The following FRMPD4 variants were observed in gnomAD, a reference collection of about 807,000 sequenced individuals.
FRMPD4 encodes FERM and PDZ domain-containing protein 4.
A neutral mutation model predicts 94.1 loss-of-function variants in FRMPD4; 22 were observed. That is an observed-to-expected ratio of 0.23 (90% CI 0.17 to 0.33). The LOEUF (loss-of-function observed/expected upper bound fraction) is 0.33. FRMPD4 is among the 10% of genes least tolerant of loss of function. The probability of loss-of-function intolerance (pLI) is 1.00; values close to 1 mark genes in which losing one functional copy is unlikely to be tolerated. For missense variants in FRMPD4, 1,111 were observed against 1,339.9 expected, an observed-to-expected ratio of 0.83 and a Z score of 2.67; for synonymous variants, 631 against 548.6, an observed-to-expected ratio of 1.15 and a Z score of -2.10.
rs183412738 is a variant in FRMPD4 at position 12,648,225 on chromosome X, C to G, written c.423-26638C>G. Reference sequence around the variant, plus strand: ...GTCTTTCCCAACTCTTTCCAGTCTTCCTTCGTAGACTTCTCTCACCCAAAA... The same window carrying G: ...GTCTTTCCCAACTCTTTCCAGTCTTGCTTCGTAGACTTCTCTCACCCAAAA... On this transcript the variant is annotated intron_variant, in intron 4 of 16. Transcript: ENST00000675598. 1.3e-4 allele frequency among the ~76,000 whole-genome samples: 15 copies of G among 111,650 alleles called. No homozygotes were observed. In the East Asian group the frequency reaches 3.1e-3, roughly 23 times the overall value.
chrX:12,027,452 A>G (rs756986891), intron 3 of FRMPD4, among the ~76,000 whole-genome samples: 26 of 112,248 alleles, frequency 2.3e-4, no homozygotes, highest in Non-Finnish European at 4.1e-4. Flanking sequence ...TGTGTGAGGA[A>G]AACTAAAATC....
At chrX:11,914,890 C>T (rs1205993326) in intron 3 of FRMPD4, among the ~76,000 whole-genome samples, 1 of 112,226 alleles carries the variant, frequency 8.9e-6, no homozygotes, top group Non-Finnish European at 1.9e-5. Flanking sequence ...GCCTTTGTCA[C>T]TTAGACATTT....
chrX:12,218,300 G>C (rs1437612486), intron 1 of FRMPD4, among the ~76,000 whole-genome samples: 2 of 111,965 alleles, frequency 1.8e-5, no homozygotes, highest in Non-Finnish European at 3.8e-5. Context: ...TTACAGTAGT[G>C]AAACTCCTTG....
At chrX:12,248,460 T>C (rs933150462) in intron 1 of FRMPD4, among the ~76,000 whole-genome samples, 2 of 112,626 alleles carry the variant, frequency 1.8e-5, no homozygotes, top group African/African-American at 3.2e-5. Flanking sequence ...ACTAACATGC[T>C]AATTGATTTC....
intron 5 of FRMPD4, among the ~76,000 whole-genome samples, chrX:12,679,191 G>C (rs1293883352): frequency 5.3e-5 from 6 of 112,406 alleles, no homozygotes; most frequent in African/African-American, 1.9e-4. Context: ...TCATGGAGCA[G>C]GCCACAAGTG....
intron 1 of FRMPD4, among the ~76,000 whole-genome samples, chrX:12,491,523 T>C (rs148571900): frequency 6.1e-4 from 69 of 112,229 alleles, no homozygotes; most frequent in African/African-American, 1.8e-3. Context: ...GCTGACGTAG[T>C]AGCAAACAAC....
intron 3 of FRMPD4, among the ~76,000 whole-genome samples, chrX:12,036,957 C>T (rs1368245031): frequency 8.0e-5 from 9 of 112,302 alleles, no homozygotes; most frequent in Non-Finnish European, 1.7e-4. Flanking sequence ...TATTCCACCT[C>T]CACACCTGGA....
intron 5 of FRMPD4, among the ~76,000 whole-genome samples, chrX:12,678,515 G>A (rs1187918538): frequency 2.7e-5 from 3 of 112,195 alleles, no homozygotes; most frequent in African/African-American, 9.7e-5. Flanking sequence ...AATCTTACCT[G>A]AGACAGAGAG....
Position 12,701,909 on chromosome X carries a change from G to A in FRMPD4, c.969G>A (p.Pro323=), listed in dbSNP as rs777763888. The A allele has an allele frequency of 6.3e-5, 76 of 1,209,754 alleles. No homozygotes were observed. The highest frequency in any genetic ancestry group is 1.1e-5 in the Non-Finnish European group (10 of 894,051). The part of the protein sequence containing the change: ...CNDVVQERFG[P]ELKYDIALRL... ...ATGTGGTTCAGGAGCGATTTGGGCC[G>A]GAGCTGAAATATGACATAGCCCTGC... is the stretch of plus-strand genomic sequence containing the variant. The change falls in exon 10 of 17, where the codon CCG becomes CCA. Residue 323 remains proline (P), a synonymous_variant. Transcript: ENST00000675598.
chrX:12,114,258 C>A (rs2055389854), intron 3 of FRMPD4, among the ~76,000 whole-genome samples: 1 of 111,355 alleles, frequency 9.0e-6, no homozygotes, highest in South Asian at 3.7e-4. Flanking sequence ...TCATCTGTTT[C>A]TTTCTTAAAT....
At chrX:12,374,778 A>G (rs2056212328) in intron 1 of FRMPD4, among the ~76,000 whole-genome samples, 1 of 111,484 alleles carries the variant, frequency 9.0e-6, no homozygotes, top group Non-Finnish European at 1.9e-5. Flanking sequence ...GTATGCATCC[A>G]GCTGGCAGTT....
chrX:11,827,660 C>T (rs1321746538), intron 1 of FRMPD4, among the ~76,000 whole-genome samples: 2 of 111,777 alleles, frequency 1.8e-5, no homozygotes, highest in Non-Finnish European at 3.8e-5. Flanking sequence ...GCTTACCCTG[C>T]GTTTAAGGGA....
chrX:12,337,660 G>A (rs2055548532), intron 1 of FRMPD4, among the ~76,000 whole-genome samples: 1 of 112,182 alleles, frequency 8.9e-6, no homozygotes, highest in African/African-American at 3.2e-5. Flanking sequence ...GATGGGTTGT[G>A]AGGTCAACTG....
At chrX:11,995,307 G>A (rs1259063269) in intron 3 of FRMPD4, among the ~76,000 whole-genome samples, 1 of 111,412 alleles carries the variant, frequency 9.0e-6, no homozygotes, top group Non-Finnish European at 1.9e-5. Context: ...CCTGACATCT[G>A]TTTCTTCACA....
intron 2 of FRMPD4, among the ~76,000 whole-genome samples, chrX:12,553,029 G>A (rs1408654417): frequency 1.8e-5 from 2 of 111,332 alleles, no homozygotes; most frequent in East Asian, 5.7e-4. Context: ...GGTGGCATGA[G>A]CCTGTAATCC....
At chrX:12,272,021 G>T (rs1369570127) in intron 1 of FRMPD4, among the ~76,000 whole-genome samples, 1 of 112,323 alleles carries the variant, frequency 8.9e-6, no homozygotes, top group East Asian at 2.8e-4. Flanking sequence ...TATGGAGCCA[G>T]ATTGCCCAGA....
intron 1 of FRMPD4, among the ~76,000 whole-genome samples, chrX:11,824,547 A>G: frequency 9.0e-6 from 1 of 111,729 alleles, no homozygotes; most frequent in Middle Eastern, 4.6e-3. Flanking sequence ...ACAACCCAAA[A>G]TATCTCCAGA....
chrX:11,864,324 A>G (rs1013314210), intron 1 of FRMPD4, among the ~76,000 whole-genome samples: 1 of 109,687 alleles, frequency 9.1e-6, no homozygotes, highest in Non-Finnish European at 1.9e-5. Flanking sequence ...GTTTAAGGGC[A>G]TTGCATTGGC....
At chrX:12,179,873 C>CT (rs58312340) in intron 1 of FRMPD4, among the ~76,000 whole-genome samples, 31,544 of 91,211 alleles carry the variant, frequency 0.35, 4,812 homozygotes, top group African/African-American at 0.6. Context: ...CTAACCTAGC[C>CT]TTTTTTTTTT....
Sources: allele counts gnomAD v4.1 joint callset (sites outside exome capture counted in the v4.1 genomes callset), GRCh38; gene constraint gnomAD v4.1.1; transcripts MANE v1.5; gene names NCBI Gene and HGNC (gene_info 2026-07-23, HGNC 2026-07-21).